USP34: variants seen among roughly 807,000 people sequenced by gnomAD.
USP34 encodes ubiquitin specific peptidase 34, also known as ubiquitin carboxyl-terminal hydrolase 34.
Under a neutral mutation model 460.3 loss-of-function variants are expected in USP34, and 70 were observed. That is an observed-to-expected ratio of 0.15 (90% CI 0.13 to 0.19). The LOEUF (loss-of-function observed/expected upper bound fraction) is 0.19, where lower values mean the gene tolerates loss of function less well. USP34 is among the 10% of genes least tolerant of loss of function. The probability of loss-of-function intolerance (pLI) is 1.00; values close to 1 mark genes in which losing one functional copy is unlikely to be tolerated. For missense variants in USP34, 3,985 were observed against 4,236.2 expected, an observed-to-expected ratio of 0.94 and a Z score of 1.65; for synonymous variants, 1,647 against 1,405.3, an observed-to-expected ratio of 1.17 and a Z score of -3.85.
intron 10 of USP34, among the ~76,000 whole-genome samples, chr2:61,353,235 C>T (rs993957283): frequency 1.8e-4 from 27 of 152,130 alleles, no homozygotes; most frequent in Non-Finnish European, 4.0e-4. Context: ...GGTACAGGCA[C>T]AGAGGCTGGC....
At chr2:61,351,836 C>G (rs973508613) in intron 10 of USP34, among the ~76,000 whole-genome samples, 2 of 151,982 alleles carry the variant, frequency 1.3e-5, no homozygotes, top group African/African-American at 2.4e-5. Flanking sequence ...CACTAAGTAT[C>G]CATTTAAAAA....
At chr2:61,291,958 CGA>C (rs1689867740) in intron 33 of USP34, among the ~76,000 whole-genome samples, 4 of 152,050 alleles carry the variant, frequency 2.6e-5, no homozygotes, top group African/African-American at 9.7e-5. Flanking sequence ...AAACCAGTCA[CGA>C]TGGACCATAT....
rs529141667 is a variant in USP34 at position 61,399,874 on chromosome 2, C to CAAAAAAAAAAAAAAAAAAA, written c.553-4642_553-4641insTTTTTTTTTTTTTTTTTTT. Among the ~76,000 whole-genome samples, 66 of 69,976 alleles carry CAAAAAAAAAAAAAAAAAAA rather than the reference C, an allele frequency of 9.4e-4. 1 individual carries two copies. The highest frequency in any genetic ancestry group is 3.5e-3 in the African/African-American group (61 of 17,388). The allele number at this position is 69,976 out of a possible 152,430, so 45.9% of individuals were successfully genotyped here. A position where few individuals can be genotyped will look rare whatever the true frequency, so the allele number is the denominator to read the frequency against. Reference sequence around the variant, plus strand: ...GGCAACAGTGCGAGACACTGTCTCCCAAAAAAAAAAAAAAAAAGCTGTATT... The same window carrying CAAAAAAAAAAAAAAAAAAA: ...GGCAACAGTGCGAGACACTGTCTCCCAAAAAAAAAAAAAAAAAAAAAAAAAAAAAAAAAAAAGCTGTATT... On this transcript the variant is annotated intron_variant, in intron 3 of 79. Transcript: ENST00000398571.
intron 8 of USP34, among the ~76,000 whole-genome samples, chr2:61,372,063 A>G (rs1478887219): frequency 6.6e-6 from 1 of 152,158 alleles, no homozygotes; most frequent in East Asian, 1.9e-4. Context: ...AAATGGGTGG[A>G]AGAAAATAAG....
rs753213727 is a variant in USP34 at position 61,188,319 on chromosome 2, G to A, written c.10424C>T (p.Ala3475Val). The A allele has an allele frequency of 1.2e-6, 2 of 1,613,692 alleles. No homozygotes were observed. The highest frequency in any genetic ancestry group is 1.1e-5 in the South Asian group (1 of 91,064). ...ESEFPSTSIS[A>V]VLSDLADLRS... ...CAAGTCAGCTAAGTCAGACAGAACT[G>A]CAGAGATAGAAGTAGAAGGGAACTC... The change falls in exon 80 of 80, where the codon GCA (alanine) becomes GTA (valine). Residue 3475 changes from alanine to valine, a missense_variant. Ala to Val is a moderately conservative substitution (Grantham distance 64, BLOSUM62 0). Coordinates refer to ENST00000398571, the MANE Select transcript of USP34 (RefSeq NM_014709.4).
chr2:61,266,275 G>T (rs1469414426), intron 41 of USP34, 108 bp from the exon 42 acceptor site: 1 of 1,058,760 alleles, frequency 9.4e-7, no homozygotes, highest in African/African-American at 1.6e-5. Context: ...ACTCAAAAAC[G>T]TATAGCAGCA....
At chr2:61,364,647 G>A (rs1692375051) in intron 10 of USP34, among the ~76,000 whole-genome samples, 1 of 152,148 alleles carries the variant, frequency 6.6e-6, no homozygotes, top group South Asian at 2.1e-4. Context: ...CTTCAACCAA[G>A]GCCAGGAGCA....
intron 2 of USP34, among the ~76,000 whole-genome samples, chr2:61,413,186 G>T (rs1418681105): frequency 6.6e-6 from 1 of 151,810 alleles, no homozygotes; most frequent in Non-Finnish European, 1.5e-5. Context: ...AGGAGGTCAG[G>T]AGATTGAGAC....
chr2:61,394,808 T>C (rs199534428), intron 5 of USP34, 45 bp downstream of exon 5: 54 of 1,418,582 alleles, frequency 3.8e-5, no homozygotes, highest in East Asian at 2.6e-5. Flanking sequence ...ACTGATATGC[T>C]AGACATTGCT....
At chr2:61,333,775 A>T (rs943531285) in intron 19 of USP34, 107 bp downstream of exon 19, 1 of 697,602 alleles carries the variant, frequency 1.4e-6, no homozygotes, top group Non-Finnish European at 2.1e-6. Flanking sequence ...ATGAAACTCA[A>T]ATTTTCCTGG....
At chr2:61,238,154 C>T (rs903278687) in intron 53 of USP34, among the ~76,000 whole-genome samples, 1 of 152,006 alleles carries the variant, frequency 6.6e-6, no homozygotes, top group Non-Finnish European at 1.5e-5. Flanking sequence ...CCTCAGCCTC[C>T]CAAAGTGCTG....
Position 61,294,980 on chromosome 2 carries a change from A to T in USP34, c.4430T>A (p.Val1477Glu), listed in dbSNP as rs1247523635. 1 of 1,612,890 alleles carries T rather than the reference A, an allele frequency of 6.2e-7. No homozygotes were observed. The highest frequency in any genetic ancestry group is 1.3e-5 in the African/African-American group (1 of 74,884). ...ACTCCAGGAATTTTTACTATTTTCC[A>T]CTTGATCTTCACTTGAATCATCTGA... ...PDSDDSSEDQ[V>E]ENSKNSWSCK... Residue 1477 changes from valine (V) to glutamate (E), a missense_variant, in exon 32 of 80, where the codon GTG (valine) becomes GAG (glutamate). Around this residue, in one of 14 missense-constraint regions of USP34, gnomAD observed 1,114 missense variants for 1,122.5 expected, o/e 0.99. Transcript: ENST00000398571.
In USP34 at chr2:61,348,190, C is replaced by A. The variant is rs763822641; in HGVS notation, c.1965G>T (p.Leu655=). Residue 655 remains leucine (L), a synonymous_variant, in exon 15 of 80, where the codon CTG becomes CTT. Coordinates refer to ENST00000398571, the MANE Select transcript of USP34 (RefSeq NM_014709.4). ...TTTCTGACATGCCTTGGGAGTCCCC[C>A]AGGCAAATGCCTGCTTGACTCTCTA... The part of the protein sequence containing the change: ...RKLESQAGIC[L]GDSQGMSERN... The A allele has an allele frequency of 1.4e-5, 23 of 1,614,108 alleles. No individual in the cohort carries two copies. The highest frequency in any genetic ancestry group is 4.0e-5 in the African/African-American group (3 of 74,940).
chr2:61,263,167 C>T (rs1198949538), intron 43 of USP34, among the ~76,000 whole-genome samples: 1 of 135,078 alleles, frequency 7.4e-6, no homozygotes, highest in South Asian at 2.4e-4. Flanking sequence ...CACCACCACA[C>T]ATGGAATTTT....
At chr2:61,353,810 T>A (rs944612716) in intron 10 of USP34, among the ~76,000 whole-genome samples, 1 of 151,980 alleles carries the variant, frequency 6.6e-6, no homozygotes, top group Non-Finnish European at 1.5e-5. Flanking sequence ...AAAATGAGAA[T>A]ATCAGCAAAG....
intron 51 of USP34, 50 bp from the exon 52 acceptor site, chr2:61,241,869 AG>A: frequency 7.5e-6 from 7 of 935,328 alleles, no homozygotes; most frequent in Non-Finnish European, 1.1e-5. Context: ...GGGTATACTC[AG>A]CTATATTTAT....
At chr2:61,454,903 G>A (rs1381385096) in intron 1 of USP34, among the ~76,000 whole-genome samples, 11 of 126,488 alleles carry the variant, frequency 8.7e-5, no homozygotes, top group African/African-American at 2.7e-4. Flanking sequence ...TATTTGAGAT[G>A]AGTCTCACTA....
chr2:61,377,796 C>A (rs1692840050), intron 8 of USP34, among the ~76,000 whole-genome samples: 1 of 152,132 alleles, frequency 6.6e-6, no homozygotes, highest in Admixed American at 6.5e-5. Flanking sequence ...ACTATCAGTA[C>A]CATATTTTTC....
chr2:61,274,368 C>G (rs1042524706), intron 41 of USP34, among the ~76,000 whole-genome samples: 1 of 148,368 alleles, frequency 6.7e-6, no homozygotes, highest in African/African-American at 2.5e-5. Context: ...CCAGCCTAGG[C>G]AACAGAGCAA....
Sources: gnomAD v4.1 joint callset for allele counts (sites outside exome capture counted in the v4.1 genomes callset) on GRCh38, gnomAD v4.1.1 for gene constraint, gnomAD v4.1.1 regional missense constraint, MANE v1.5 for transcripts, NCBI Gene and HGNC (gene_info 2026-07-23, HGNC 2026-07-21) for gene names.